Variants in DACH1 observed in about 807,000 individuals in gnomAD.
The protein encoded by DACH1 is dachshund homolog 1.
A neutral mutation model predicts 54.2 loss-of-function variants in DACH1; 12 were observed. The observed-to-expected ratio is 0.22, with a 90% CI of 0.14 to 0.36. The LOEUF is 0.36. Among genes scored for constraint, DACH1 ranks in the 10% least tolerant of loss-of-function variants. DACH1 has a pLI of 1.00. For synonymous variants in DACH1, 386 were observed against 366.2 expected (o/e 1.05, Z -0.62); for missense variants, 805 against 929.8 (o/e 0.87, Z 1.75).
intron 2 of DACH1, 108 bp from the exon 3 acceptor site, chr13:71,630,825 C>A (rs1318563985): frequency 2.4e-6 from 3 of 1,260,444 alleles, no homozygotes; most frequent in Non-Finnish European, 3.1e-6. Flanking sequence ...GTATCTGATT[C>A]CTTTATGCAA....
chr13:71,515,216 T>C lies in DACH1; in HGVS notation c.1571-26068A>G, dbSNP rs533252083. 3.3e-4 allele frequency among the ~76,000 whole-genome samples: 50 copies of C among 151,960 alleles called. 1 individual carries two copies. The South Asian group carries it at 8.9e-3, about 27-fold the overall frequency. On this transcript the variant is annotated intron_variant, in intron 6 of 10. Coordinates refer to ENST00000613252, the MANE Select transcript of DACH1 (RefSeq NM_080759.6). Reference sequence around the variant, plus strand: ...TTGAAATTTTTAAAAAAGATAATATTGAAGTAAAAATGTTAATGTGTTTAG... The same window carrying C: ...TTGAAATTTTTAAAAAAGATAATATCGAAGTAAAAATGTTAATGTGTTTAG...
chr13:71,614,303 T>C (rs1219748212), intron 3 of DACH1, among the ~76,000 whole-genome samples: 1 of 152,158 alleles, frequency 6.6e-6, no homozygotes, highest in East Asian at 1.9e-4. Context: ...TTGACCTGCT[T>C]TCATACACAT....
intron 4 of DACH1, among the ~76,000 whole-genome samples, chr13:71,562,976 A>C (rs1300959691): frequency 6.6e-6 from 1 of 152,074 alleles, no homozygotes; most frequent in African/African-American, 2.4e-5. Flanking sequence ...ATTTGTATAA[A>C]TATATCAAGA....
chr13:71,488,083 T>C (rs1299494971), intron 7 of DACH1, among the ~76,000 whole-genome samples: 1 of 152,152 alleles, frequency 6.6e-6, no homozygotes, highest in Non-Finnish European at 1.5e-5. Context: ...GTTATGTCCT[T>C]GGAGAGGTAA....
intron 6 of DACH1, among the ~76,000 whole-genome samples, chr13:71,539,831 A>T (rs1396049932): frequency 2.0e-5 from 3 of 152,060 alleles, no homozygotes; most frequent in Non-Finnish European, 4.4e-5. Flanking sequence ...AAAAAGATGG[A>T]ACTGGAAAAG....
intron 1 of DACH1, among the ~76,000 whole-genome samples, chr13:71,702,884 T>C (rs1250710263): frequency 6.6e-6 from 1 of 152,142 alleles, no homozygotes; most frequent in Non-Finnish European, 1.5e-5. Flanking sequence ...TATATGAGGA[T>C]CATATTAAAG....
chr13:71,815,338 G>T lies in DACH1; in HGVS notation c.848+50584C>A, dbSNP rs191901478. Among the ~76,000 whole-genome samples the T allele has an allele frequency of 6.8e-5, 10 of 147,600 alleles. No homozygotes were observed. In the East Asian group the frequency reaches 1.9e-3, roughly 28 times the overall value. On this transcript the variant is annotated intron_variant, in intron 1 of 10. Coordinates refer to ENST00000613252, the MANE Select transcript of DACH1 (RefSeq NM_080759.6). The stretch of plus-strand genomic sequence containing the variant: ...TCTTAAAAAAGGGGGTGGGCGGGGG[G>T]AGTAGCTGAGCGAGAGCCAGGCGTC...
chr13:71,607,975 T>C (rs1875002395), intron 3 of DACH1, among the ~76,000 whole-genome samples: 1 of 151,908 alleles, frequency 6.6e-6, no homozygotes, highest in South Asian at 2.1e-4. Context: ...TAATTCACAA[T>C]CATGATACTC....
At chr13:71,506,771 T>G (rs1593804229) in intron 6 of DACH1, among the ~76,000 whole-genome samples, 2 of 152,098 alleles carry the variant, frequency 1.3e-5, no homozygotes, top group East Asian at 3.9e-4. Context: ...AACTATCTGA[T>G]CTTTGATAAA....
At chr13:71,644,670 A>C (rs1878146086) in intron 2 of DACH1, among the ~76,000 whole-genome samples, 1 of 152,222 alleles carries the variant, frequency 6.6e-6, no homozygotes. Context: ...CAGGGCACCC[A>C]ACCCTATTCC....
chr13:71,559,602 C>T (rs1884459691), intron 5 of DACH1, among the ~76,000 whole-genome samples: 1 of 152,076 alleles, frequency 6.6e-6, no homozygotes, highest in Non-Finnish European at 1.5e-5. Flanking sequence ...TTATATGTGG[C>T]ATCAAAGAGA....
In DACH1 at chr13:71,558,240, T is replaced by C. The variant is rs1429806086; in HGVS notation, c.1436-1082A>G. Among the ~76,000 whole-genome samples, 4 of 152,122 alleles carry C rather than the reference T, an allele frequency of 2.6e-5. No homozygotes were observed. The South Asian group carries it at 6.2e-4, about 24-fold the overall frequency. Reference sequence around the variant, plus strand: ...GAACTTGATTGGTTGACTGATGAGGTAAATCAGGATGACAAACACATAAGA... The same window carrying C: ...GAACTTGATTGGTTGACTGATGAGGCAAATCAGGATGACAAACACATAAGA... On this transcript the variant is annotated intron_variant, in intron 5 of 10. Coordinates refer to ENST00000613252, the MANE Select transcript of DACH1 (RefSeq NM_080759.6).
intron 2 of DACH1, among the ~76,000 whole-genome samples, chr13:71,647,624 G>T (rs927892507): frequency 2.0e-5 from 3 of 152,094 alleles, no homozygotes; most frequent in Admixed American, 6.6e-5. Flanking sequence ...AGAGAACAGG[G>T]CCACCATGAC....
At chr13:71,508,061 A>C (rs1880472689) in intron 6 of DACH1, among the ~76,000 whole-genome samples, 1 of 152,156 alleles carries the variant, frequency 6.6e-6, no homozygotes, top group African/African-American at 2.4e-5. Context: ...ATGTTTTCTA[A>C]GAAATTATTT....
intron 2 of DACH1, 96 bp from the exon 3 acceptor site, chr13:71,630,813 G>C (rs2138570233): frequency 7.4e-7 from 1 of 1,347,076 alleles, no homozygotes; most frequent in Middle Eastern, 2.6e-4. Context: ...ACATTTATTA[G>C]AGTATCTGAT....
chr13:71,721,755 A>AT lies in DACH1; in HGVS notation c.849-39846dup, dbSNP rs753090618. On this transcript the variant is annotated intron_variant, in intron 1 of 10. Transcript: ENST00000613252. ...AAAATAATTAAGAAATCCTCATATCATTTTTTCTTCCTTAAAAGTATGTTG... is the reference window on the plus strand; with the variant it reads ...AAAATAATTAAGAAATCCTCATATCATTTTTTTCTTCCTTAAAAGTATGTTG... Among the ~76,000 whole-genome samples, 470 of 152,164 alleles carry AT rather than the reference A, an allele frequency of 3.1e-3. 6 individuals are homozygous for AT. The highest frequency in any genetic ancestry group is 0.01 in the Middle Eastern group (3 of 294).
intron 2 of DACH1, among the ~76,000 whole-genome samples, chr13:71,649,986 G>A (rs1011991641): frequency 1.3e-5 from 2 of 152,052 alleles, no homozygotes; most frequent in Non-Finnish European, 1.5e-5. Context: ...TAGAATCCTC[G>A]TCTTTCCCCT....
chr13:71,786,603 A>T (rs1253040770), intron 1 of DACH1, among the ~76,000 whole-genome samples: 1 of 152,166 alleles, frequency 6.6e-6, no homozygotes, highest in Non-Finnish European at 1.5e-5. Context: ...AACTCCAGAA[A>T]TAGCCCTTTG....
At chr13:71,753,487 T>C (rs1020136316) in intron 1 of DACH1, among the ~76,000 whole-genome samples, 2 of 152,140 alleles carry the variant, frequency 1.3e-5, no homozygotes, top group Admixed American at 6.6e-5. Context: ...CTTAAAGAAG[T>C]ATGCAAGTTT....
Sources: allele counts gnomAD v4.1 joint callset (sites outside exome capture counted in the v4.1 genomes callset), GRCh38; gene constraint gnomAD v4.1.1; transcripts MANE v1.5; gene names NCBI Gene and HGNC (gene_info 2026-07-23, HGNC 2026-07-21).